NCAM2: variants seen among roughly 807,000 people sequenced by gnomAD.
The protein encoded by NCAM2 is neural cell adhesion molecule 2.
In NCAM2, 30 loss-of-function variants were observed where a neutral mutation model predicts 98.1. That is an observed-to-expected ratio of 0.31 (90% CI 0.23 to 0.41). The LOEUF (loss-of-function observed/expected upper bound fraction) is 0.41. NCAM2 is among the 10% of genes least tolerant of loss of function. The probability of loss-of-function intolerance (pLI) is 1.00; values close to 1 mark genes in which losing one functional copy is unlikely to be tolerated. For synonymous variants in NCAM2, 368 were observed against 342.4 expected, an observed-to-expected ratio of 1.07 and a Z score of -0.83; for missense variants, 867 against 1,005.8, an observed-to-expected ratio of 0.86 and a Z score of 1.87.
intron 1 of NCAM2, among the ~76,000 whole-genome samples, chr21:21,279,550 G>A (rs991780950): frequency 8.6e-5 from 13 of 151,940 alleles, no homozygotes; most frequent in African/African-American, 2.9e-4. Flanking sequence ...GTAGAGACGG[G>A]GTTTCACCAT....
At chr21:21,080,614 CAA>C (rs112060723) in intron 1 of NCAM2, among the ~76,000 whole-genome samples, 14 of 57,276 alleles carry the variant, frequency 2.4e-4, no homozygotes, top group Admixed American at 6.8e-4. Context: ...AAAACTCTGT[CAA>C]AAAAAAAAAA....
intron 5 of NCAM2, among the ~76,000 whole-genome samples, chr21:21,320,222 A>G (rs1311449867): frequency 6.6e-6 from 1 of 152,234 alleles, no homozygotes; most frequent in Non-Finnish European, 1.5e-5. Context: ...TTTTGTAACA[A>G]GACGGATATA....
intron 1 of NCAM2, among the ~76,000 whole-genome samples, chr21:21,018,074 TG>T (rs1488292499): frequency 6.6e-6 from 1 of 152,218 alleles, no homozygotes; most frequent in Non-Finnish European, 1.5e-5. Context: ...AAGAAGCAAA[TG>T]TACTTCATTC....
chr21:21,024,605 G>A (rs113627302), intron 1 of NCAM2, among the ~76,000 whole-genome samples: 134 of 152,280 alleles, frequency 8.8e-4, no homozygotes, highest in Non-Finnish European at 1.4e-3. Context: ...GGCTGGGCGC[G>A]GTGGCTCATG....
Position 21,539,385 on chromosome 21 carries a change from G to A in NCAM2, c.*1428G>A, listed in dbSNP as rs1990140726. 1 of 152,106 alleles carries A rather than the reference G, an allele frequency of 6.6e-6. No individual in the cohort carries two copies. Among genetic ancestry groups the A allele is most frequent in the Non-Finnish European group, 1.5e-5 (1 of 68,014 alleles). 9.4% of individuals were successfully genotyped at this position (152,106 alleles called of 1,614,324 possible). A position where few individuals can be genotyped will look rare whatever the true frequency, so the allele number is the denominator to read the frequency against. ...TTCAGAACCTTTGGTGTTTCAGGTG[G>A]TATTATAGCTCAAATAGTGACAGGA... On this transcript the variant is annotated 3_prime_UTR_variant, in exon 18 of 18. Coordinates refer to ENST00000400546, the MANE Select transcript of NCAM2 (RefSeq NM_004540.5).
At chr21:21,248,985 G>T (rs550317873) in intron 1 of NCAM2, among the ~76,000 whole-genome samples, 79 of 152,024 alleles carry the variant, frequency 5.2e-4, no homozygotes, top group Middle Eastern at 6.8e-3. Flanking sequence ...GACTGCCTGG[G>T]TTATAAAAAT....
chr21:21,484,306 G>T (rs1327725767), intron 15 of NCAM2, among the ~76,000 whole-genome samples: 1 of 149,852 alleles, frequency 6.7e-6, no homozygotes, highest in East Asian at 1.9e-4. Flanking sequence ...AATTGTTAAT[G>T]ACTTTGTGTA....
chr21:21,532,108 T>C (rs949326835), intron 16 of NCAM2, among the ~76,000 whole-genome samples: 8 of 152,000 alleles, frequency 5.3e-5, no homozygotes, highest in Non-Finnish European at 8.8e-5. Context: ...CACTTGATAA[T>C]ACTTATGGTA....
intron 1 of NCAM2, among the ~76,000 whole-genome samples, chr21:21,108,504 A>C (rs527991423): frequency 6.6e-6 from 1 of 152,264 alleles, no homozygotes; most frequent in South Asian, 2.1e-4. Context: ...TAAGTGTTGC[A>C]GTTTTATCAA....
chr21:21,230,084 T>G (rs1048227212), intron 1 of NCAM2, among the ~76,000 whole-genome samples: 1 of 151,336 alleles, frequency 6.6e-6, no homozygotes, highest in Non-Finnish European at 1.5e-5. Flanking sequence ...TTTATGGACT[T>G]TGTCTAAATT....
intron 8 of NCAM2, among the ~76,000 whole-genome samples, chr21:21,354,618 CAT>C: frequency 6.6e-6 from 1 of 152,162 alleles, no homozygotes; most frequent in East Asian, 1.9e-4. Flanking sequence ...TGTGTCCAAA[CAT>C]ATTTTGAATT....
chr21:21,392,961 C>G (rs543951310), intron 9 of NCAM2, among the ~76,000 whole-genome samples: 31 of 151,928 alleles, frequency 2.0e-4, no homozygotes, highest in Admixed American at 1.3e-4. Flanking sequence ...TAATTATACC[C>G]CGTCAATTTT....
chr21:21,197,660 T>C (rs144554168), intron 1 of NCAM2, among the ~76,000 whole-genome samples: 196 of 152,336 alleles, frequency 1.3e-3, no homozygotes, highest in African/African-American at 4.3e-3. Context: ...AATAGGACTT[T>C]GCAAGGTCTA....
intron 8 of NCAM2, among the ~76,000 whole-genome samples, chr21:21,362,322 T>A (rs761645412): frequency 1.3e-5 from 2 of 152,180 alleles, no homozygotes; most frequent in Non-Finnish European, 2.9e-5. Flanking sequence ...TTCTCTGCTC[T>A]TATTTAATGG....
At chr21:21,204,204 T>C (rs1249330465) in intron 1 of NCAM2, among the ~76,000 whole-genome samples, 2 of 152,180 alleles carry the variant, frequency 1.3e-5, no homozygotes, top group Non-Finnish European at 2.9e-5. Flanking sequence ...GTTCTTACAA[T>C]TTTAGCATCT....
At chr21:21,298,063 A>G (rs112168739) in intron 5 of NCAM2, among the ~76,000 whole-genome samples, 3,113 of 151,838 alleles carry the variant, frequency 0.021, 43 homozygotes, top group Middle Eastern at 0.065. Flanking sequence ...TGTATAGTGC[A>G]CTTTGTTATC....
intron 4 of NCAM2, among the ~76,000 whole-genome samples, chr21:21,287,855 T>C (rs1175376844): frequency 1.3e-5 from 2 of 151,846 alleles, no homozygotes; most frequent in Admixed American, 1.3e-4. Context: ...TTTGAACATC[T>C]TTTCTAAATG....
rs1361193864 is a variant in NCAM2 at position 21,067,990 on chromosome 21, C to T, written c.55+69372C>T. 2.6e-5 allele frequency among the ~76,000 whole-genome samples: 4 copies of T among 152,066 alleles called. No individual in the cohort carries two copies. The East Asian group carries it at 7.7e-4, about 29-fold the overall frequency. On this transcript the variant is annotated intron_variant, in intron 1 of 17. Coordinates refer to ENST00000400546, the MANE Select transcript of NCAM2 (RefSeq NM_004540.5). Reference sequence around the variant, plus strand: ...CAAAAAGTGCTATATTTTTAAAGCTCAGTTTCTTGATGAAAGAAATAACTT... The same window carrying T: ...CAAAAAGTGCTATATTTTTAAAGCTTAGTTTCTTGATGAAAGAAATAACTT...
intron 4 of NCAM2, among the ~76,000 whole-genome samples, chr21:21,287,433 C>T (rs1276464098): frequency 6.6e-6 from 1 of 151,820 alleles, no homozygotes; most frequent in Non-Finnish European, 1.5e-5. Context: ...TGAGAAATAA[C>T]ACTTTATTTC....
Sources: gnomAD v4.1 joint callset for allele counts (sites outside exome capture counted in the v4.1 genomes callset) on GRCh38, gnomAD v4.1.1 for gene constraint, MANE v1.5 for transcripts, NCBI Gene and HGNC (gene_info 2026-07-23, HGNC 2026-07-21) for gene names.